The following CHAF1B variants were observed in gnomAD, a reference collection of about 807,000 sequenced individuals.
CHAF1B encodes the protein CAF-1 subunit B.
CHAF1B carries 10 observed loss-of-function variants against 60.7 expected under a neutral mutation model. The observed-to-expected ratio is 0.16, with a 90% CI of 0.10 to 0.28. The LOEUF (loss-of-function observed/expected upper bound fraction) is 0.28. CHAF1B is among the 10% of genes least tolerant of loss of function. The pLI is 1.00. For synonymous variants in CHAF1B, 261 were observed against 266.1 expected, an observed-to-expected ratio of 0.98 and a Z score of 0.19; for missense variants, 558 against 708.4, an observed-to-expected ratio of 0.79 and a Z score of 2.41.
chr21:36,415,792 G>A (rs541689046), intron 13 of CHAF1B: 46 of 379,594 alleles, frequency 1.2e-4, no homozygotes, highest in Middle Eastern at 1.9e-3. Flanking sequence ...TTGCTCTGTC[G>A]CCCAGGCTGG....
At chr21:36,414,254 G>A (rs2146378262) in intron 12 of CHAF1B, among the ~76,000 whole-genome samples, 2 of 152,292 alleles carry the variant, frequency 1.3e-5, no homozygotes, top group South Asian at 4.1e-4. Context: ...TGAGTCACGA[G>A]GAGAGCTGGG....
In CHAF1B at chr21:36,390,028, C is replaced by T. The variant is rs144432785; in HGVS notation, c.260-1523C>T. ...AGACTAATGTGTGCGAATAGGATTC[C>T]GGTTAACTTAGCATGGGAATGCAGG... On this transcript the variant is annotated intron_variant, in intron 3 of 13. Coordinates refer to ENST00000314103, the MANE Select transcript of CHAF1B (RefSeq NM_005441.3). 4.6e-5 allele frequency among the ~76,000 whole-genome samples: 7 copies of T among 152,136 alleles called. No individual in the cohort carries two copies. In the East Asian group the frequency reaches 1.4e-3, roughly 29 times the overall value.
chr21:36,391,335 C>T (rs2086084470), intron 3 of CHAF1B, among the ~76,000 whole-genome samples: 1 of 152,016 alleles, frequency 6.6e-6, no homozygotes, highest in Non-Finnish European at 1.5e-5. Flanking sequence ...AAAATCCTGA[C>T]ATGCAGCTAA....
chr21:36,402,544 C>A (rs1405330016), intron 7 of CHAF1B, among the ~76,000 whole-genome samples: 1 of 152,028 alleles, frequency 6.6e-6, no homozygotes. Flanking sequence ...GAATGTTTAC[C>A]CTTGCAGTGT....
In CHAF1B at chr21:36,418,821, C is replaced by T. The variant is rs1469443407; in HGVS notation, c.*2455C>T. On this transcript the variant is annotated 3_prime_UTR_variant, in exon 14 of 14. Transcript: ENST00000314103. ...CTGAGATGGTGCCACTGTACTCCAG[C>T]CTGGGCGACAGAGCGAGACTCTGTC... 6.6e-6 allele frequency: 1 copy of T among 150,792 alleles called. No homozygotes were observed. Among genetic ancestry groups the T allele is most frequent in the Non-Finnish European group, 1.5e-5 (1 of 67,982 alleles). 9.3% of individuals were successfully genotyped at this position (150,792 alleles called of 1,614,324 possible).
In CHAF1B at chr21:36,413,051, C is replaced by T. The variant is rs773845071; in HGVS notation, c.1229C>T (p.Ser410Leu). The T allele has an allele frequency of 3.1e-6, 5 of 1,614,046 alleles. No individual in the cohort carries two copies. Among genetic ancestry groups the T allele is most frequent in the Non-Finnish European group, 1.7e-6 (2 of 1,180,046 alleles). The change falls in exon 12 of 14, where the codon TCG becomes TTG. Residue 410 changes from serine to leucine, a missense_variant. Ser to Leu is a moderately radical substitution (Grantham distance 145). Around this residue, in one of 2 missense-constraint regions of CHAF1B, gnomAD observed 233 missense variants for 214.9 expected, o/e 1.08. Coordinates refer to ENST00000314103, the MANE Select transcript of CHAF1B (RefSeq NM_005441.3). ...KTKSQTHRGS[S>L]PGPRPVEGTP... ...AAGAGTCAGACACATCGAGGGTCTT[C>T]GCCAGGACCCAGACCGGTAGAGGGA...
chr21:36,393,106 G>A (rs1370976204), intron 4 of CHAF1B, among the ~76,000 whole-genome samples: 1 of 152,240 alleles, frequency 6.6e-6, no homozygotes, highest in Non-Finnish European at 1.5e-5. Flanking sequence ...CAGGCACTCG[G>A]CAGGCTGAGG....
Position 36,386,241 on chromosome 21 carries a change from C to A in CHAF1B, c.105C>A (p.Ala35=). ...GGAGGATCCACAGACTGGCGTCTGC[C>A]GGCGTGGACACCAATGTCAGGGTAA... ...TAGRIHRLAS[A]GVDTNVRIWK... is the part of the protein sequence containing the mutation. Residue 35 remains alanine, a synonymous_variant, in exon 2 of 14, where the codon GCC becomes GCA. Transcript: ENST00000314103. The A allele has an allele frequency of 1.2e-6, 2 of 1,614,108 alleles. No homozygotes were observed. The highest frequency in any genetic ancestry group is 1.1e-5 in the South Asian group (1 of 91,078).
At chr21:36,390,931 C>T (rs2086081862) in intron 3 of CHAF1B, among the ~76,000 whole-genome samples, 1 of 152,180 alleles carries the variant, frequency 6.6e-6, no homozygotes, top group African/African-American at 2.4e-5. Context: ...GCTGGCATTA[C>T]AGGCGTGAGC....
At chr21:36,405,367 G>A (rs987197141) in intron 8 of CHAF1B, among the ~76,000 whole-genome samples, 2 of 152,076 alleles carry the variant, frequency 1.3e-5, no homozygotes, top group African/African-American at 4.8e-5. Context: ...AGAAATGGAA[G>A]GAGGAGAAAT....
At chr21:36,413,779 G>C (rs773086969) in intron 12 of CHAF1B, among the ~76,000 whole-genome samples, 9 of 152,150 alleles carry the variant, frequency 5.9e-5, no homozygotes, top group Non-Finnish European at 1.0e-4. Context: ...TGCAGTCTTT[G>C]TGGCCCTTCA....
chr21:36,408,616 G>A, intron 8 of CHAF1B, 145 bp from the exon 9 acceptor site: 1 of 607,922 alleles, frequency 1.6e-6, no homozygotes, highest in Non-Finnish European at 3.0e-6. Flanking sequence ...ATGTTTTTGT[G>A]CTCTGTCACA....
At position 36,394,610 on chromosome 21, in the gene CHAF1B, C is replaced by T. The variant is rs1425431332; in HGVS notation, c.441C>T (p.Ala147=). ...WATDGNLMAS[A]SVDNTAIIWD... is the part of the protein sequence containing the mutation. ...CTGATGGGAATTTAATGGCTTCTGCCTCTGTGGATAACACAGCCATCATAT... is the reference window on the plus strand; with the variant it reads ...CTGATGGGAATTTAATGGCTTCTGCTTCTGTGGATAACACAGCCATCATAT... The change falls in exon 5 of 14, where the codon GCC becomes GCT. Residue 147 remains alanine, a synonymous_variant. Transcript: ENST00000314103. 4 of 1,613,632 alleles carry T rather than the reference C, an allele frequency of 2.5e-6. No homozygotes were observed. The highest frequency in any genetic ancestry group is 3.4e-6 in the Non-Finnish European group (4 of 1,179,690).
Position 36,386,214 on chromosome 21 carries a change from T to C in CHAF1B, c.78T>C (p.Ala26=). The change falls in exon 2 of 14, where the codon GCT becomes GCC. Residue 26 remains alanine (A), a synonymous_variant. Transcript: ENST00000314103. ...GCCTGGACTTCCAGCATGGGACGGC[T>C]GGGAGGATCCACAGACTGGCGTCTG... ...VYSLDFQHGT[A]GRIHRLASAG... 1 of 1,614,196 alleles carries C rather than the reference T, an allele frequency of 6.2e-7. No individual in the cohort carries two copies. Among genetic ancestry groups the C allele is most frequent in the Non-Finnish European group, 8.5e-7 (1 of 1,180,024 alleles).
rs1370325438 is a variant in CHAF1B at position 36,397,453 on chromosome 21, G to A, written c.520G>A (p.Val174Ile). The change falls in exon 6 of 14, where the codon GTC (valine) becomes ATC (isoleucine). Residue 174 changes from valine to isoleucine, a missense_variant. Val to Ile is a conservative substitution (Grantham distance 29). Around this residue, in one of 2 missense-constraint regions of CHAF1B, gnomAD observed 325 missense variants for 493.5 expected, o/e 0.66. Coordinates refer to ENST00000314103, the MANE Select transcript of CHAF1B (RefSeq NM_005441.3). ...AATTTTTAATGAACATAAAAGTTAT[G>A]TCCAAGGAGTAACCTGGGACCCTTT... is the stretch of plus-strand genomic sequence containing the variant. ...ISIFNEHKSYVQGVTWDPLGQ... is the reference protein window; with the variant it reads ...ISIFNEHKSYIQGVTWDPLGQ... 6.4e-7 allele frequency: 1 copy of A among 1,568,448 alleles called. No homozygotes were observed. The highest frequency in any genetic ancestry group is 8.7e-7 in the Non-Finnish European group (1 of 1,148,444).
rs1159471556 is a variant in CHAF1B, at chr21:36,405,633, G to A, written c.757+2782G>A. On this transcript the variant is annotated intron_variant, in intron 8 of 13. Coordinates refer to ENST00000314103, the MANE Select transcript of CHAF1B (RefSeq NM_005441.3). ...TTTTGTAGAGACATGGTCTTGCTATGTTGCCCAGGCTGGTCTTAAACTCCT... is the reference window on the plus strand; with the variant it reads ...TTTTGTAGAGACATGGTCTTGCTATATTGCCCAGGCTGGTCTTAAACTCCT... Among the ~76,000 whole-genome samples, 7 of 152,132 alleles carry A rather than the reference G, an allele frequency of 4.6e-5. No homozygotes were observed. In the East Asian group the frequency reaches 1.2e-3, roughly 25 times the overall value.
At chr21:36,387,820 C>CT (rs372818231) in intron 3 of CHAF1B, 90 bp downstream of exon 3, 59,093 of 1,112,706 alleles carry the variant, frequency 0.053, 450 homozygotes, top group African/African-American at 0.15. Flanking sequence ...GCTGGATATG[C>CT]TTTTTTTTTT....
At chr21:36,409,899 A>C (rs2086264385) in intron 10 of CHAF1B, among the ~76,000 whole-genome samples, 1 of 151,152 alleles carries the variant, frequency 6.6e-6, no homozygotes, top group East Asian at 1.9e-4. Context: ...TTCTTGCTTA[A>C]GGCACTTTAA....
chr21:36,404,442 T>A (rs1429067719), intron 8 of CHAF1B, among the ~76,000 whole-genome samples: 1 of 148,566 alleles, frequency 6.7e-6, no homozygotes, highest in Admixed American at 6.8e-5. Context: ...TTTATTAATT[T>A]ATTTATTTTG....
Sources: gnomAD v4.1 joint callset for allele counts (sites outside exome capture counted in the v4.1 genomes callset) on GRCh38, gnomAD v4.1.1 for gene constraint, gnomAD v4.1.1 regional missense constraint, MANE v1.5 for transcripts, NCBI Gene and HGNC (gene_info 2026-07-23, HGNC 2026-07-21) for gene names.